Variants in SAMMSON observed in about 807,000 individuals in gnomAD.
SAMMSON encodes the protein long intergenic non-protein coding RNA 1212.
chr3:70,416,079 A>G (rs143043947), intron 2 of SAMMSON, among the ~76,000 whole-genome samples: 1 of 152,338 alleles, frequency 6.6e-6, no homozygotes, highest in African/African-American at 2.4e-5. Flanking sequence ...ATGGGCATAT[A>G]AGTATTTGTA....
intron 4 of SAMMSON, among the ~76,000 whole-genome samples, chr3:70,242,987 T>G (rs1171083863): frequency 1.3e-5 from 2 of 152,198 alleles, no homozygotes; most frequent in Admixed American, 6.5e-5. Flanking sequence ...AATACTAATT[T>G]CCCAAGAGCA....
At chr3:70,009,370 G>A (rs2066944010) in intron 1 of SAMMSON, 1 of 152,080 alleles carries the variant, frequency 6.6e-6, no homozygotes, top group Non-Finnish European at 1.5e-5. Flanking sequence ...ATTCTTGGGA[G>A]GGGTGTATGT....
At chr3:70,137,541 A>G (rs1003607725) in intron 4 of SAMMSON, 1 of 152,198 alleles carries the variant, frequency 6.6e-6, no homozygotes, top group African/African-American at 2.4e-5. Flanking sequence ...TCACTCGAGT[A>G]GTTGCAACAG....
At position 70,290,930 on chromosome 3, in the gene SAMMSON, C is replaced by T. The variant is rs1355697016; in HGVS notation, n.675-249C>T. Among the ~76,000 whole-genome samples, 8 of 152,128 alleles carry T rather than the reference C, an allele frequency of 5.3e-5. No homozygotes were observed. In the East Asian group the frequency reaches 7.8e-4, roughly 15 times the overall value. ...GCCCTGCTTCGGATGGCGCACGGTG[C>T]GCGCACCCACTGACCTGAGCCCACT... On this transcript the variant is annotated intron_variant and non_coding_transcript_variant, in intron 6 of 9. Transcript: ENST00000642114.
chr3:70,048,322 A>T (rs2067134444), intron 3 of SAMMSON, among the ~76,000 whole-genome samples: 1 of 152,106 alleles, frequency 6.6e-6, no homozygotes. Context: ...TGGGCAGATG[A>T]CTTAACCTCT....
At chr3:70,083,785 T>G (rs2067275254) in intron 4 of SAMMSON, among the ~76,000 whole-genome samples, 1 of 152,180 alleles carries the variant, frequency 6.6e-6, no homozygotes, top group Admixed American at 6.5e-5. Flanking sequence ...CCTCTTATTA[T>G]GATCTGTCAT....
chr3:70,417,218 A>G (rs1486918759), intron 2 of SAMMSON, among the ~76,000 whole-genome samples: 1 of 152,144 alleles, frequency 6.6e-6, no homozygotes. Flanking sequence ...GTCAATCATC[A>G]TTAGGTTTGG....
intron 4 of SAMMSON, among the ~76,000 whole-genome samples, chr3:70,117,434 G>A (rs890977211): frequency 2.0e-5 from 3 of 152,122 alleles, no homozygotes; most frequent in African/African-American, 7.2e-5. Flanking sequence ...CAATGAACTT[G>A]ATATTATTTA....
At chr3:70,007,400 G>T (rs1409281946) in intron 1 of SAMMSON, among the ~76,000 whole-genome samples, 1 of 152,206 alleles carries the variant, frequency 6.6e-6, no homozygotes, top group African/African-American at 2.4e-5. Context: ...GATGGCCAGT[G>T]ATGATGAGCA....
intron 3 of SAMMSON, among the ~76,000 whole-genome samples, chr3:70,020,264 C>G (rs2067007109): frequency 6.6e-6 from 1 of 152,140 alleles, no homozygotes; most frequent in East Asian, 1.9e-4. Flanking sequence ...CTCCTCAATT[C>G]TTTATTTTTC....
intron 4 of SAMMSON, chr3:70,140,599 C>T: frequency 6.6e-6 from 1 of 152,294 alleles, no homozygotes; most frequent in South Asian, 2.1e-4. Flanking sequence ...TTTATATTAA[C>T]CTCGTGGATT....
intron 4 of SAMMSON, among the ~76,000 whole-genome samples, chr3:70,113,576 C>T (rs543370038): frequency 6.6e-6 from 1 of 152,268 alleles, no homozygotes; most frequent in African/African-American, 2.4e-5. Context: ...GGACTTAGTC[C>T]AGCACACTCA....
At chr3:70,149,838 T>C (rs1199218459) in intron 4 of SAMMSON, among the ~76,000 whole-genome samples, 3 of 152,092 alleles carry the variant, frequency 2.0e-5, no homozygotes, top group Non-Finnish European at 2.9e-5. Flanking sequence ...TTACAAGTTA[T>C]CTTGGTTTGT....
chr3:70,040,617 C>T (rs2067102598), intron 3 of SAMMSON, among the ~76,000 whole-genome samples: 1 of 152,096 alleles, frequency 6.6e-6, no homozygotes, highest in Admixed American at 6.6e-5. Flanking sequence ...AGGCTTCCAC[C>T]ACCCTTTGGA....
intron 7 of SAMMSON, among the ~76,000 whole-genome samples, chr3:70,333,610 C>G (rs185689496): frequency 1.3e-5 from 2 of 151,980 alleles, no homozygotes; most frequent in East Asian, 3.9e-4. Context: ...TATTTTTTTT[C>G]TTTTCACACT....
intron 6 of SAMMSON, among the ~76,000 whole-genome samples, chr3:70,258,348 C>T (rs930509997): frequency 1.3e-4 from 20 of 151,506 alleles, no homozygotes; most frequent in African/African-American, 2.4e-4. Flanking sequence ...AAATAAAAAG[C>T]GAGCATATAT....
chr3:70,090,626 T>C (rs1431340921), intron 4 of SAMMSON, among the ~76,000 whole-genome samples: 1 of 152,016 alleles, frequency 6.6e-6, no homozygotes, highest in African/African-American at 2.4e-5. Flanking sequence ...TATTTCCAAG[T>C]TTTTTTTAAA....
At chr3:70,393,019 C>T (rs1037136101), downstream of SAMMSON, among the ~76,000 whole-genome samples, 2 of 152,112 alleles carry the variant, frequency 1.3e-5, no homozygotes, top group Admixed American at 1.3e-4. Flanking sequence ...AAAGCAATTC[C>T]TATCTCTTTC....
chr3:70,167,014 T>C (rs1405747325), intron 4 of SAMMSON, among the ~76,000 whole-genome samples: 1 of 152,050 alleles, frequency 6.6e-6, no homozygotes, highest in Non-Finnish European at 1.5e-5. Flanking sequence ...TAAAATTTTA[T>C]AGTAGTTACA....
Sources: gnomAD v4.1 joint callset for allele counts (sites outside exome capture counted in the v4.1 genomes callset) on GRCh38, gnomAD v4.1.1 for gene constraint, MANE v1.5 for transcripts, NCBI Gene and HGNC (gene_info 2026-07-23, HGNC 2026-07-21) for gene names.